VPS54: variants seen among roughly 807,000 people sequenced by gnomAD.
VPS54 encodes vacuolar protein sorting-associated protein 54.
VPS54 carries 45 observed loss-of-function variants against 121.5 expected under a neutral mutation model. The ratio of observed to expected loss-of-function variants is 0.37; its 90% CI spans 0.29 to 0.47. The LOEUF is 0.47. Ranked by LOEUF, VPS54 falls within the 20% of genes least tolerant of loss-of-function variation. The probability of loss-of-function intolerance (pLI) is 0.99; values close to 1 mark genes in which losing one functional copy is unlikely to be tolerated. For synonymous variants in VPS54, 371 were observed against 385.8 expected (o/e 0.96, Z 0.45); for missense variants, 1,090 against 1,131.4 (o/e 0.96, Z 0.52).
At position 63,892,379 on chromosome 2, in the gene VPS54, C is replaced by G. The variant is rs1672257153; in HGVS notation, c.*1051G>C. The stretch of plus-strand genomic sequence containing the variant: ...CTTTATTTGTACAGTGCTGCTGATT[C>G]TAATTTTGAAGGTAGGTATTATAAA... On this transcript the variant is annotated 3_prime_UTR_variant, in exon 23 of 23. Coordinates refer to ENST00000272322, the MANE Select transcript of VPS54 (RefSeq NM_016516.3). The G allele has an allele frequency of 6.6e-6, 1 of 152,160 alleles. No individual in the cohort carries two copies. The highest frequency in any genetic ancestry group is 1.5e-5 in the Non-Finnish European group (1 of 68,026). 9.4% of individuals were successfully genotyped at this position (152,160 alleles called of 1,614,324 possible). A position where few individuals can be genotyped will look rare whatever the true frequency, so the allele number is the denominator to read the frequency against.
intron 15 of VPS54, among the ~76,000 whole-genome samples, chr2:63,918,883 G>A (rs1011374196): frequency 6.6e-6 from 1 of 151,930 alleles, no homozygotes; most frequent in Admixed American, 6.6e-5. Flanking sequence ...GCACTGAACT[G>A]CAATTTGACT....
chr2:63,967,735 A>AAAAAAAAAAAAAAAAAAAAC (rs1676072902), intron 5 of VPS54, among the ~76,000 whole-genome samples: 3 of 149,368 alleles, frequency 2.0e-5, no homozygotes, highest in Non-Finnish European at 4.5e-5. Context: ...AAAAAAAAAA[A>AAAAAAAAAAAAAAAAAAAAC]TCTTATAAGG....
At chr2:63,947,979 G>A (rs976075184) in intron 8 of VPS54, among the ~76,000 whole-genome samples, 1 of 152,034 alleles carries the variant, frequency 6.6e-6, no homozygotes, top group Non-Finnish European at 1.5e-5. Flanking sequence ...TGGGACTAGA[G>A]GCATGCACCA....
chr2:63,974,205 C>A (rs1475411250), intron 3 of VPS54, among the ~76,000 whole-genome samples: 1 of 152,184 alleles, frequency 6.6e-6, no homozygotes, highest in Non-Finnish European at 1.5e-5. Context: ...TTTGTTCAAA[C>A]AACTATCCTT....
At chr2:63,900,775 A>G (rs991877589) in intron 20 of VPS54, among the ~76,000 whole-genome samples, 1 of 151,192 alleles carries the variant, frequency 6.6e-6, no homozygotes, top group African/African-American at 2.4e-5. Flanking sequence ...GTTTTTTTTG[A>G]TTTTTTGAGA....
chr2:63,949,233 AACTAGT>A, intron 7 of VPS54, 70 bp from the exon 8 acceptor site: 1 of 1,490,002 alleles, frequency 6.7e-7, no homozygotes, highest in South Asian at 1.3e-5. Context: ...CAATCAAGGG[AACTAGT>A]AGGTAAAACT....
chr2:63,977,433 T>C (rs1270484396), intron 3 of VPS54, among the ~76,000 whole-genome samples: 1 of 152,208 alleles, frequency 6.6e-6, no homozygotes, highest in Non-Finnish European at 1.5e-5. Flanking sequence ...CCCACACATT[T>C]TTATAAGTTT....
At position 63,988,337 on chromosome 2, in the gene VPS54, C is replaced by A. The variant is rs1487181021; in HGVS notation, c.-20-4318G>T. Reference sequence around the variant, plus strand: ...TGCACATGTTGAACTATCTACATTCCTGAAATAAATCCCACTTGGTCATGA... The same window carrying A: ...TGCACATGTTGAACTATCTACATTCATGAAATAAATCCCACTTGGTCATGA... On this transcript the variant is annotated intron_variant, in intron 1 of 22. Transcript: ENST00000272322. Among the ~76,000 whole-genome samples, 8 of 152,202 alleles carry A rather than the reference C, an allele frequency of 5.3e-5. No individual in the cohort carries two copies. In the East Asian group the frequency reaches 1.5e-3, roughly 29 times the overall value.
At chr2:63,977,041 C>T (rs1676569761) in intron 3 of VPS54, among the ~76,000 whole-genome samples, 1 of 151,970 alleles carries the variant, frequency 6.6e-6, no homozygotes, top group Admixed American at 6.6e-5. Flanking sequence ...GTTGGCCAGG[C>T]TGGTCTCGAA....
At chr2:63,982,410 T>C (rs1676840048) in intron 2 of VPS54, among the ~76,000 whole-genome samples, 1 of 152,220 alleles carries the variant, frequency 6.6e-6, no homozygotes, top group Non-Finnish European at 1.5e-5. Flanking sequence ...TTATTAGTAG[T>C]GTATTTGTTC....
intron 12 of VPS54, among the ~76,000 whole-genome samples, chr2:63,924,037 A>G (rs1232460760): frequency 3.3e-5 from 5 of 152,246 alleles, no homozygotes; most frequent in Non-Finnish European, 7.3e-5. Context: ...AACCATCTAC[A>G]GAACCTATGC....
intron 17 of VPS54, among the ~76,000 whole-genome samples, 169 bp from the exon 18 acceptor site, chr2:63,913,479 AG>A (rs1673242581): frequency 6.6e-6 from 1 of 152,222 alleles, no homozygotes; most frequent in Non-Finnish European, 1.5e-5. Context: ...AGAAATGAGA[AG>A]GGGAGATTCT....
intron 1 of VPS54, among the ~76,000 whole-genome samples, 188 bp downstream of exon 1, chr2:64,018,750 A>G (rs1678832968): frequency 1.4e-5 from 2 of 145,410 alleles, no homozygotes; most frequent in African/African-American, 5.0e-5. Context: ...TGAAAAGGAA[A>G]AAAAAAAAAA....
intron 1 of VPS54, among the ~76,000 whole-genome samples, chr2:64,004,568 T>C (rs546338561): frequency 2.0e-5 from 3 of 152,274 alleles, no homozygotes; most frequent in Admixed American, 6.5e-5. Context: ...ACCTATGAAA[T>C]AGTCTCTTCA....
chr2:63,971,135 T>C (rs772173763), intron 4 of VPS54, among the ~76,000 whole-genome samples: 5 of 152,178 alleles, frequency 3.3e-5, no homozygotes, highest in Non-Finnish European at 5.9e-5. Context: ...CCATTACCAA[T>C]AACTGGCCAC....
At chr2:63,951,206 CTTTT>C (rs71245641) in intron 7 of VPS54, among the ~76,000 whole-genome samples, 4 of 134,348 alleles carry the variant, frequency 3.0e-5, no homozygotes, top group South Asian at 2.4e-4. Flanking sequence ...ACAAATTTCC[CTTTT>C]TTTTTTTTTT....
At chr2:63,990,961 G>T (rs1208346452) in intron 1 of VPS54, among the ~76,000 whole-genome samples, 3 of 152,166 alleles carry the variant, frequency 2.0e-5, no homozygotes, top group Non-Finnish European at 2.9e-5. Flanking sequence ...TTTGGCAAAA[G>T]CTTTTCTAAC....
chr2:64,018,692 G>A (rs941815633), intron 1 of VPS54, among the ~76,000 whole-genome samples: 3 of 150,236 alleles, frequency 2.0e-5, no homozygotes, highest in East Asian at 3.9e-4. Context: ...TGCGGTCGCT[G>A]ACAGGAGGCA....
chr2:63,930,164 G>A (rs184157789), intron 12 of VPS54, among the ~76,000 whole-genome samples: 1 of 152,290 alleles, frequency 6.6e-6, no homozygotes, highest in East Asian at 1.9e-4. Context: ...CTCATTTTAT[G>A]AGGCCAGCAT....
Sources: gnomAD v4.1 joint callset for allele counts (sites outside exome capture counted in the v4.1 genomes callset) on GRCh38, gnomAD v4.1.1 for gene constraint, MANE v1.5 for transcripts, NCBI Gene and HGNC (gene_info 2026-07-23, HGNC 2026-07-21) for gene names.